Variants in HAS3 observed in about 807,000 individuals in gnomAD.
HAS3 encodes the protein HA synthase 3.
Under a neutral mutation model 50.3 loss-of-function variants are expected in HAS3, and 27 were observed. That is an observed-to-expected ratio of 0.54 (90% CI 0.40 to 0.74). HAS3 has a LOEUF of 0.74. Among genes scored for constraint, HAS3 ranks in the 30% least tolerant of loss-of-function variants. The pLI, the probability that HAS3 is intolerant of heterozygous loss-of-function variation, is 0.00. For synonymous variants in HAS3, 339 were observed against 310.9 expected (o/e 1.09, Z -0.95); for missense variants, 517 against 742.8 (o/e 0.70, Z 3.53).
the HAS3 span, among the ~76,000 whole-genome samples, chr16:69,091,922 T>A: frequency 6.6e-6 from 1 of 152,214 alleles, no homozygotes; most frequent in African/African-American, 2.4e-5. Context: ...ACATAAGGTC[T>A]GATGGCCCCT....
intron 2 of HAS3, among the ~76,000 whole-genome samples, chr16:69,111,894 G>T (rs1192666836): frequency 6.6e-6 from 1 of 152,186 alleles, no homozygotes; most frequent in Non-Finnish European, 1.5e-5. Context: ...CCCTTTCCTG[G>T]CCATCTGGGT....
the HAS3 span, among the ~76,000 whole-genome samples, chr16:69,093,372 C>T: frequency 1.3e-5 from 2 of 151,850 alleles, no homozygotes; most frequent in Non-Finnish European, 2.9e-5. Context: ...CCACCACACA[C>T]AGCTACTTTT....
intron 3 of HAS3, among the ~76,000 whole-genome samples, 192 bp downstream of exon 3, chr16:69,113,734 G>A (rs1567581392): frequency 1.3e-5 from 2 of 152,134 alleles, no homozygotes; most frequent in African/African-American, 2.4e-5. Flanking sequence ...TTCCACATGA[G>A]GGGAAGTCAC....
chr16:69,090,636 C>T, the HAS3 span, among the ~76,000 whole-genome samples: 6 of 152,096 alleles, frequency 3.9e-5, no homozygotes, highest in East Asian at 3.9e-4. Flanking sequence ...GGTGCAATCT[C>T]GGTTCACAGC....
chr16:69,084,951 G>A, the HAS3 span: 1 of 152,452 alleles, frequency 6.6e-6, no homozygotes, highest in South Asian at 2.1e-4. Context: ...CCTTTAAAGA[G>A]GCCATCTTAT....
Position 69,115,677 on chromosome 16 carries a change from G to A in HAS3, c.*411G>A. On this transcript the variant is annotated 3_prime_UTR_variant, in exon 4 of 4. Coordinates refer to ENST00000569188, the MANE Select transcript of HAS3 (RefSeq NM_001199280.2). ...AGCCCATCTGAACACAACCAGAGGT[G>A]GCAGGAGAATTTCTACTGAGCGAGC... 1.0e-6 allele frequency: 1 copy of A among 994,204 alleles called. No individual in the cohort carries two copies. Among genetic ancestry groups the A allele is most frequent in the Non-Finnish European group, 1.2e-6 (1 of 836,194 alleles). 61.6% of individuals were successfully genotyped at this position (994,204 alleles called of 1,614,324 possible). A position where few individuals can be genotyped will look rare whatever the true frequency, so the allele number is the denominator to read the frequency against.
At chr16:69,098,700 T>C in the HAS3 span, among the ~76,000 whole-genome samples, 1 of 147,868 alleles carries the variant, frequency 6.8e-6, no homozygotes, top group Non-Finnish European at 1.5e-5. Context: ...AGTTTCACTC[T>C]TGTTGCCCAG....
chr16:69,115,730 C>A lies in HAS3; in HGVS notation c.*464C>A. ...GGCCGGTTAGTGTATGTCACCCCCA[C>A]CCCACCCCTAAGTAGTCATCAATGC... is the stretch of plus-strand genomic sequence containing the variant. On this transcript the variant is annotated 3_prime_UTR_variant, in exon 4 of 4. Coordinates refer to ENST00000569188, the MANE Select transcript of HAS3 (RefSeq NM_001199280.2). 1.0e-6 allele frequency: 1 copy of A among 987,892 alleles called. No individual in the cohort carries two copies. Among genetic ancestry groups the A allele is most frequent in the Non-Finnish European group, 1.2e-6 (1 of 831,712 alleles). The allele number at this position is 987,892 out of a possible 1,614,324, so 61.2% of individuals were successfully genotyped here.
At chr16:69,110,179 C>T (rs1359291339) in intron 2 of HAS3, 148 bp downstream of exon 2, 8 of 756,756 alleles carry the variant, frequency 1.1e-5, no homozygotes, top group South Asian at 3.8e-5. Flanking sequence ...TGGCCGGGCG[C>T]GGTGGCTCAC....
At chr16:69,110,798 C>A (rs999215964) in intron 2 of HAS3, among the ~76,000 whole-genome samples, 2 of 152,202 alleles carry the variant, frequency 1.3e-5, no homozygotes, top group African/African-American at 4.8e-5. Context: ...CAACGTGGGG[C>A]TGAACCTCTT....
chr16:69,083,852 C>T, the HAS3 span: 1 of 579,776 alleles, frequency 1.7e-6, no homozygotes, highest in South Asian at 2.2e-5. Flanking sequence ...CTCCCGCGTT[C>T]AGCCTGAGGG....
At position 69,115,239 on chromosome 16, in the gene HAS3, G is replaced by A; in HGVS notation, c.1635G>A (p.Gln545=). 6.5e-7 allele frequency: 1 copy of A among 1,528,226 alleles called. No individual in the cohort carries two copies. Among genetic ancestry groups the A allele is most frequent in the Non-Finnish European group, 8.8e-7 (1 of 1,139,372 alleles). The allele number at this position is 1,528,226 out of a possible 1,614,324, so 94.7% of individuals were successfully genotyped here. A position where few individuals can be genotyped will look rare whatever the true frequency, so the allele number is the denominator to read the frequency against. The change falls in exon 4 of 4, where the codon CAG becomes CAA. Residue 545 remains glutamine, a synonymous_variant. Coordinates refer to ENST00000569188, the MANE Select transcript of HAS3 (RefSeq NM_001199280.2). ...IARRCGKKPE[Q]YSLAFAEV is the part of the protein sequence containing the mutation. Reference sequence around the variant, plus strand: ...GGCGATGTGGGAAGAAGCCGGAGCAGTACAGCTTGGCTTTTGCTGAGGTGT... The same window carrying A: ...GGCGATGTGGGAAGAAGCCGGAGCAATACAGCTTGGCTTTTGCTGAGGTGT...
At chr16:69,112,015 G>A (rs182554923) in intron 2 of HAS3, among the ~76,000 whole-genome samples, 128 of 152,356 alleles carry the variant, frequency 8.4e-4, no homozygotes, top group African/African-American at 2.8e-3. Context: ...CTGGATCTCA[G>A]CCTGTCTTCT....
At chr16:69,098,073 C>A in the HAS3 span, among the ~76,000 whole-genome samples, 1 of 152,162 alleles carries the variant, frequency 6.6e-6, no homozygotes, top group African/African-American at 2.4e-5. Context: ...AGACTGCACC[C>A]CACCCTGCCC....
the HAS3 span, among the ~76,000 whole-genome samples, chr16:69,086,638 C>T: frequency 2.6e-5 from 4 of 152,076 alleles, no homozygotes; most frequent in African/African-American, 2.4e-5. Context: ...GGCACAGTGG[C>T]TTACGCCTGT....
chr16:69,095,379 G>T, the HAS3 span, among the ~76,000 whole-genome samples: 2 of 152,072 alleles, frequency 1.3e-5, no homozygotes, highest in Admixed American at 1.3e-4. Context: ...CTTCTTACGT[G>T]CTCTAGAGCT....
In HAS3 at chr16:69,107,712, A is replaced by G; in HGVS notation, c.1-1684A>G. On this transcript the variant is annotated intron_variant, in intron 1 of 3. Coordinates refer to ENST00000569188, the MANE Select transcript of HAS3 (RefSeq NM_001199280.2). The surrounding 1 kb of genome is among the most constrained non-coding windows in gnomAD (Gnocchi z 5.5). Reference sequence around the variant, plus strand: ...CTTCAGCATGTAAGCTCCGGAGGGGAATGGGGGCGCTCCTAGGCTGCGGAT... The same window carrying G: ...CTTCAGCATGTAAGCTCCGGAGGGGGATGGGGGCGCTCCTAGGCTGCGGAT... 2.0e-6 allele frequency: 2 copies of G among 985,114 alleles called. No individual in the cohort carries two copies. Among genetic ancestry groups the G allele is most frequent in the Non-Finnish European group, 2.4e-6 (2 of 829,730 alleles). The allele number at this position is 985,114 out of a possible 1,614,324, so 61.0% of individuals were successfully genotyped here.
At position 69,114,516 on chromosome 16, in the gene HAS3, T is replaced by A. The variant is rs780775009; in HGVS notation, c.912T>A (p.His304Gln). The A allele has an allele frequency of 6.2e-7, 1 of 1,613,962 alleles. No individual in the cohort carries two copies. The highest frequency in any genetic ancestry group is 1.1e-5 in the South Asian group (1 of 91,068). Reference sequence around the variant, plus strand: ...AGCAGTTCCTGGAGGACTGGTACCATCAGAAGTTCCTAGGCAGCAAGTGCA... The same window carrying A: ...AGCAGTTCCTGGAGGACTGGTACCAACAGAAGTTCCTAGGCAGCAAGTGCA... ...LLQQFLEDWY[H>Q]QKFLGSKCSF... Residue 304 changes from histidine (H) to glutamine (Q), a missense_variant, in exon 4 of 4, where the codon CAT becomes CAA. Transcript: ENST00000569188. The surrounding 1 kb of genome is among the most constrained non-coding windows in gnomAD (Gnocchi z 6.4).
At chr16:69,104,992 GTTT>G (rs565397720), upstream of HAS3, among the ~76,000 whole-genome samples, 650 of 81,748 alleles carry the variant, frequency 8.0e-3, no homozygotes, top group Middle Eastern at 0.011. Context: ...CTGTTTTTTG[GTTT>G]TTTTTTTTTT....
Sources: gnomAD v4.1 joint callset for allele counts (sites outside exome capture counted in the v4.1 genomes callset) on GRCh38, gnomAD v4.1.1 for gene constraint, Gnocchi (gnomAD v3.1) non-coding constraint, MANE v1.5 for transcripts, NCBI Gene and HGNC (gene_info 2026-07-23, HGNC 2026-07-21) for gene names.